Variants in RPSA2 observed in about 807,000 individuals in gnomAD.
RPSA2 encodes the protein small ribosomal subunit protein uS2B.
chr19:23,815,731 T>G, the RPSA2 span, among the ~76,000 whole-genome samples: 3 of 152,214 alleles, frequency 2.0e-5, no homozygotes, highest in Non-Finnish European at 4.4e-5. Flanking sequence ...TTCTATTTAT[T>G]ATTAAAAATG....
chr19:23,811,717 A>G, the RPSA2 span, among the ~76,000 whole-genome samples: 413 of 152,282 alleles, frequency 2.7e-3, 3 homozygotes, highest in African/African-American at 9.6e-3. Flanking sequence ...TTGTCAGCCT[A>G]TATCTAAATA....
the RPSA2 span, chr19:23,817,655 A>C: frequency 2.3e-5 from 3 of 132,350 alleles, no homozygotes; most frequent in African/African-American, 8.6e-5. Context: ...TTCGCATCCA[A>C]AAAGCTGAGC....
the RPSA2 span, among the ~76,000 whole-genome samples, chr19:23,854,969 G>A: frequency 6.6e-6 from 1 of 152,182 alleles, no homozygotes; most frequent in African/African-American, 2.4e-5. Flanking sequence ...AATACCTTGA[G>A]CGTGCTCATC....
chr19:23,775,335 A>G, the RPSA2 span, among the ~76,000 whole-genome samples: 1 of 152,202 alleles, frequency 6.6e-6, no homozygotes, highest in Admixed American at 6.5e-5. Flanking sequence ...TGACTTATTA[A>G]TAAGCCTAGC....
At chr19:23,808,835 C>A in the RPSA2 span, 1 of 666,646 alleles carries the variant, frequency 1.5e-6, no homozygotes, top group Non-Finnish European at 2.4e-6. Flanking sequence ...GTGAATACAA[C>A]AGACAACATG....
At chr19:23,780,741 C>T in the RPSA2 span, among the ~76,000 whole-genome samples, 3 of 152,208 alleles carry the variant, frequency 2.0e-5, no homozygotes, top group Non-Finnish European at 4.4e-5. Flanking sequence ...TCCAGAGCAG[C>T]ACAACGTTCT....
At chr19:23,859,357 G>C in the RPSA2 span, among the ~76,000 whole-genome samples, 1 of 152,234 alleles carries the variant, frequency 6.6e-6, no homozygotes, top group African/African-American at 2.4e-5. Context: ...GGCTGGGTGC[G>C]ATGCCTCACA....
the RPSA2 span, among the ~76,000 whole-genome samples, chr19:23,787,360 T>C: frequency 2.1e-4 from 32 of 151,982 alleles, no homozygotes; most frequent in African/African-American, 7.7e-4. Context: ...CCCAGTACTT[T>C]GGGAGGCTGA....
the RPSA2 span, chr19:23,832,634 A>G: frequency 2.1e-6 from 3 of 1,444,328 alleles, no homozygotes; most frequent in African/African-American, 1.4e-5. Context: ...GAGAGACCCT[A>G]CAAATGTGAA....
At chr19:23,786,185 C>T in the RPSA2 span, among the ~76,000 whole-genome samples, 1 of 152,188 alleles carries the variant, frequency 6.6e-6, no homozygotes, top group Non-Finnish European at 1.5e-5. Flanking sequence ...GGAATGAAGG[C>T]TCTCATGTGC....
At chr19:23,826,729 A>T in the RPSA2 span, among the ~76,000 whole-genome samples, 148,810 of 152,134 alleles carry the variant, frequency 0.98, 72,872 homozygotes, top group Middle Eastern at 1. Context: ...CCTGTCACCT[A>T]GGCTGGAGTG....
At chr19:23,854,940 A>T in the RPSA2 span, among the ~76,000 whole-genome samples, 1 of 152,172 alleles carries the variant, frequency 6.6e-6, no homozygotes, top group Non-Finnish European at 1.5e-5. Context: ...GCATTCTCAA[A>T]AGCCAACATA....
At chr19:23,833,122 AC>A in the RPSA2 span, 2 of 1,230,060 alleles carry the variant, frequency 1.6e-6, no homozygotes, top group Non-Finnish European at 2.1e-6. Context: ...GGTAATTCTT[AC>A]TGGTTTAAAA....
chr19:23,864,547 A>T, the RPSA2 span, among the ~76,000 whole-genome samples: 310 of 152,296 alleles, frequency 2.0e-3, 2 homozygotes, highest in Non-Finnish European at 3.1e-3. Flanking sequence ...AACAGACAGC[A>T]TACATGGTCA....
the RPSA2 span, chr19:23,832,928 G>T: frequency 6.6e-7 from 1 of 1,520,680 alleles, no homozygotes; most frequent in Non-Finnish European, 8.9e-7. Flanking sequence ...CTGTCTTCAA[G>T]CTTTACTAAA....
the RPSA2 span, among the ~76,000 whole-genome samples, chr19:23,869,480 C>T: frequency 6.6e-6 from 1 of 152,138 alleles, no homozygotes; most frequent in Non-Finnish European, 1.5e-5. Context: ...TCTCCATTGA[C>T]CCAGTGTCTT....
chr19:23,839,077 T>A, the RPSA2 span, among the ~76,000 whole-genome samples: 7 of 152,226 alleles, frequency 4.6e-5, no homozygotes, highest in Non-Finnish European at 8.8e-5. Flanking sequence ...CATTTAGGGC[T>A]ATGAACTTTC....
the RPSA2 span, among the ~76,000 whole-genome samples, chr19:23,808,482 G>A: frequency 6.6e-6 from 1 of 151,918 alleles, no homozygotes; most frequent in East Asian, 1.9e-4. Flanking sequence ...GGGCAGGCTG[G>A]TCTCAAACTC....
At chr19:23,856,768 T>A in the RPSA2 span, among the ~76,000 whole-genome samples, 1 of 152,116 alleles carries the variant, frequency 6.6e-6, no homozygotes, top group Non-Finnish European at 1.5e-5. Flanking sequence ...AGGACCATGA[T>A]GCCCACCTGA....
Sources: gnomAD v4.1 joint callset for allele counts (sites outside exome capture counted in the v4.1 genomes callset) on GRCh38, gnomAD v4.1.1 for gene constraint, MANE v1.5 for transcripts, NCBI Gene and HGNC (gene_info 2026-07-23, HGNC 2026-07-21) for gene names.